The following DIAPH2 variants were observed in gnomAD, a reference collection of about 807,000 sequenced individuals.
The protein encoded by DIAPH2 is protein diaphanous homolog 2.
DIAPH2 carries 35 observed loss-of-function variants against 92.7 expected under a neutral mutation model. The observed-to-expected ratio is 0.38, with a 90% CI of 0.29 to 0.50. DIAPH2 has a LOEUF of 0.50. DIAPH2 is among the 20% of genes least tolerant of loss of function. The pLI is 0.94. For missense variants in DIAPH2, 701 were observed against 819.5 expected (o/e 0.86, Z 1.77); for synonymous variants, 301 against 280.4 (o/e 1.07, Z -0.73).
At chrX:96,943,062 G>A (rs1034988137) in intron 13 of DIAPH2, among the ~76,000 whole-genome samples, 4 of 109,125 alleles carry the variant, frequency 3.7e-5, no homozygotes, top group South Asian at 7.6e-4. Context: ...AATCACATTC[G>A]TGATCGCTCC....
intron 26 of DIAPH2, among the ~76,000 whole-genome samples, chrX:97,549,829 T>A (rs2071207438): frequency 8.9e-6 from 1 of 111,999 alleles, no homozygotes; most frequent in Non-Finnish European, 1.9e-5. Flanking sequence ...ATCCGCATTC[T>A]ACAAGATAAT....
chrX:97,299,044 CTTAA>C (rs1042393888), intron 23 of DIAPH2, among the ~76,000 whole-genome samples: 8 of 111,581 alleles, frequency 7.2e-5, no homozygotes, highest in African/African-American at 2.3e-4. Flanking sequence ...AGGAAAGGAA[CTTAA>C]TTGAGTGTAA....
chrX:97,027,579 G>A (rs1031653680), intron 17 of DIAPH2, among the ~76,000 whole-genome samples: 14 of 112,280 alleles, frequency 1.2e-4, no homozygotes, highest in African/African-American at 4.2e-4. Context: ...CACATGTGGC[G>A]TTACTGCAGC....
intron 17 of DIAPH2, among the ~76,000 whole-genome samples, chrX:97,011,195 TA>T (rs1445525606): frequency 8.9e-6 from 1 of 112,478 alleles, no homozygotes; most frequent in Non-Finnish European, 1.9e-5. Context: ...TTCTTCTCTG[TA>T]AAAATTACAG....
chrX:96,883,402 C>T (rs1245301268), intron 5 of DIAPH2, among the ~76,000 whole-genome samples: 1 of 104,289 alleles, frequency 9.6e-6, no homozygotes, highest in East Asian at 3.0e-4. Flanking sequence ...TTTTTTGAGA[C>T]GGAGTTTTGT....
chrX:97,275,610 C>T (rs11795594), intron 23 of DIAPH2, among the ~76,000 whole-genome samples: 39,745 of 99,750 alleles, frequency 0.4, 7,764 homozygotes, highest in Non-Finnish European at 0.55. Context: ...ACGGGGCGGC[C>T]GGGCGGAGGG....
intron 22 of DIAPH2, among the ~76,000 whole-genome samples, chrX:97,160,458 T>C (rs1227177070): frequency 8.9e-6 from 1 of 112,158 alleles, no homozygotes; most frequent in Non-Finnish European, 1.9e-5. Flanking sequence ...TTTTATTTTA[T>C]TTTATCTTAT....
At chrX:96,788,106 A>G (rs1470685501) in intron 4 of DIAPH2, among the ~76,000 whole-genome samples, 1 of 111,623 alleles carries the variant, frequency 9.0e-6, no homozygotes, top group Non-Finnish European at 1.9e-5. Context: ...TTAAAGGGAA[A>G]TGTATAACTA....
At chrX:97,446,102 G>A (rs1166906664) in intron 26 of DIAPH2, among the ~76,000 whole-genome samples, 1 of 111,178 alleles carries the variant, frequency 9.0e-6, no homozygotes, top group Non-Finnish European at 1.9e-5. Flanking sequence ...GAATTTACAA[G>A]TGTTTGTGAT....
chrX:96,972,172 C>G (rs1209922448), intron 17 of DIAPH2, among the ~76,000 whole-genome samples: 1 of 111,429 alleles, frequency 9.0e-6, no homozygotes. Flanking sequence ...ACCTCTTAGA[C>G]CAGTGTTCTA....
chrX:97,278,586 GA>G (rs919009320), intron 23 of DIAPH2, among the ~76,000 whole-genome samples: 2 of 111,815 alleles, frequency 1.8e-5, no homozygotes, highest in African/African-American at 6.5e-5. Flanking sequence ...TGTAAAAGAA[GA>G]TTGCCTTCTT....
chrX:97,149,538 T>C (rs1357529436), intron 22 of DIAPH2, among the ~76,000 whole-genome samples: 1 of 109,288 alleles, frequency 9.2e-6, no homozygotes, highest in Non-Finnish European at 1.9e-5. Flanking sequence ...GAGACCATCC[T>C]GGCTAACACG....
intron 4 of DIAPH2, among the ~76,000 whole-genome samples, chrX:96,767,018 G>A (rs2064308422): frequency 9.0e-6 from 1 of 111,395 alleles, no homozygotes; most frequent in Admixed American, 9.6e-5. Context: ...CAACATTCTA[G>A]CCATCCTCCA....
intron 17 of DIAPH2, among the ~76,000 whole-genome samples, chrX:97,042,133 A>G (rs1391918250): frequency 9.0e-6 from 1 of 111,592 alleles, no homozygotes; most frequent in Non-Finnish European, 1.9e-5. Flanking sequence ...ATTGATGTAC[A>G]TGCAAACCAG....
At chrX:96,971,381 A>G (rs149275752) in intron 17 of DIAPH2, among the ~76,000 whole-genome samples, 3,591 of 111,596 alleles carry the variant, frequency 0.032, 161 homozygotes, top group African/African-American at 0.11. Flanking sequence ...TAAAGCACTC[A>G]GCACATTGGT....
intron 26 of DIAPH2, among the ~76,000 whole-genome samples, chrX:97,540,856 C>A (rs970295050): frequency 2.7e-5 from 3 of 111,824 alleles, no homozygotes; most frequent in East Asian, 5.6e-4. Context: ...GCATGACCTT[C>A]CGTACCTTTG....
chrX:97,518,493 T>G (rs750776964), intron 26 of DIAPH2, among the ~76,000 whole-genome samples: 228 of 110,305 alleles, frequency 2.1e-3, no homozygotes, highest in African/African-American at 7.0e-3. Flanking sequence ...TATATATATG[T>G]ATGTATGTGT....
chrX:97,229,739 G>A (rs2067992790), intron 22 of DIAPH2, among the ~76,000 whole-genome samples: 1 of 106,643 alleles, frequency 9.4e-6, no homozygotes, highest in Non-Finnish European at 1.9e-5. Context: ...TGGGGTTTGG[G>A]TATAGAGATT....
chrX:97,245,293 G>A (rs745750185), intron 22 of DIAPH2, among the ~76,000 whole-genome samples: 21 of 108,310 alleles, frequency 1.9e-4, no homozygotes, highest in Non-Finnish European at 2.5e-4. Context: ...CATAACCACC[G>A]CACCCAGCTT....
Sources: allele counts gnomAD v4.1 joint callset (sites outside exome capture counted in the v4.1 genomes callset), GRCh38; gene constraint gnomAD v4.1.1; transcripts MANE v1.5; gene names NCBI Gene and HGNC (gene_info 2026-07-23, HGNC 2026-07-21).